The following DNAAF9 variants were observed in gnomAD, a reference collection of about 807,000 sequenced individuals.
The protein encoded by DNAAF9 is shulin.
Under a neutral mutation model 167.0 loss-of-function variants are expected in DNAAF9, and 90 were observed. That is an observed-to-expected ratio of 0.54 (90% CI 0.45 to 0.64). DNAAF9 has a LOEUF of 0.64. DNAAF9 is among the 30% of genes least tolerant of loss of function. DNAAF9 has a pLI of 0.00. For synonymous variants in DNAAF9, 491 were observed against 508.8 expected, an observed-to-expected ratio of 0.96 and a Z score of 0.47; for missense variants, 1,315 against 1,442.2, an observed-to-expected ratio of 0.91 and a Z score of 1.43.
intron 28 of DNAAF9, among the ~76,000 whole-genome samples, chr20:3,281,025 TA>T (rs1039056252): frequency 6.6e-6 from 1 of 152,096 alleles, no homozygotes; most frequent in Admixed American, 6.6e-5. Context: ...TACGCCTTAT[TA>T]AAAAAATTTT....
intron 28 of DNAAF9, among the ~76,000 whole-genome samples, chr20:3,280,564 T>G (rs1207696703): frequency 7.3e-6 from 1 of 136,304 alleles, no homozygotes; most frequent in African/African-American, 2.9e-5. Flanking sequence ...AAACTCCATC[T>G]CAAAGAAAAA....
chr20:3,348,556 A>G lies in DNAAF9; in HGVS notation c.758T>C (p.Leu253Pro), dbSNP rs752302778. Residue 253 changes from leucine (L) to proline (P), a missense_variant, in exon 8 of 37, where the codon CTG becomes CCG. By Grantham distance (98) the Leu-to-Pro change is moderately conservative. Transcript: ENST00000252032. ...CGCCTGAGATTCTGAAAGTTCTAGCAGGAAAGGAATTTCTGTGTCAAAATT... is the reference window on the plus strand; with the variant it reads ...CGCCTGAGATTCTGAAAGTTCTAGCGGGAAAGGAATTTCTGTGTCAAAATT... Reference protein sequence around the residue: ...FANFDTEIPFLLELSESQAGE... With the variant: ...FANFDTEIPFPLELSESQAGE... The G allele has an allele frequency of 1.9e-6, 3 of 1,603,100 alleles. No homozygotes were observed. In the Admixed American group the frequency reaches 5.0e-5, roughly 27 times the overall value.
intron 30 of DNAAF9, among the ~76,000 whole-genome samples, chr20:3,267,155 C>A (rs2068505561): frequency 6.6e-6 from 1 of 152,128 alleles, no homozygotes; most frequent in African/African-American, 2.4e-5. Flanking sequence ...CCTGGCCCCA[C>A]CTTTGTTTTT....
At chr20:3,328,531 T>TGATTTGGCA (rs1426845702) in intron 12 of DNAAF9, among the ~76,000 whole-genome samples, 1 of 152,200 alleles carries the variant, frequency 6.6e-6, no homozygotes, top group Admixed American at 6.5e-5. Context: ...ACTGGATCTG[T>TGATTTGGCA]GATTTGGCAA....
chr20:3,381,520 G>C (rs1400753265), intron 2 of DNAAF9, 22 bp from the exon 3 acceptor site: 7 of 1,611,170 alleles, frequency 4.3e-6, no homozygotes, highest in South Asian at 1.1e-5. Context: ...AGGAGGCTCT[G>C]ATCAGCTGTA....
At chr20:3,270,377 T>A in intron 30 of DNAAF9, 50 bp downstream of exon 30, 1 of 1,535,424 alleles carries the variant, frequency 6.5e-7, no homozygotes, top group Non-Finnish European at 9.0e-7. Flanking sequence ...ACAGACAGAG[T>A]GCTGTATCTG....
chr20:3,289,922 T>A (rs2068919740), intron 26 of DNAAF9, among the ~76,000 whole-genome samples: 1 of 152,232 alleles, frequency 6.6e-6, no homozygotes, highest in Non-Finnish European at 1.5e-5. Flanking sequence ...GAGATTTTCG[T>A]GTCTGTATGT....
chr20:3,380,022 C>T (rs1288508402), intron 3 of DNAAF9, among the ~76,000 whole-genome samples: 1 of 152,224 alleles, frequency 6.6e-6, no homozygotes, highest in African/African-American at 2.4e-5. Flanking sequence ...CACAACTGCA[C>T]TCCGGCCTGG....
Position 3,252,601 on chromosome 20 carries a change from A to G in DNAAF9, c.3505T>C (p.Tyr1169His). The change falls in exon 37 of 37, where the codon TAT becomes CAT. Residue 1169 changes from tyrosine to histidine, a missense_variant. By Grantham distance (83) the Tyr-to-His change is moderately conservative. Coordinates refer to ENST00000252032, the MANE Select transcript of DNAAF9 (RefSeq NM_001009984.3). ...KYNQELEQQE[Y>H]HDLFELKP ...GGCTTCAGCTCAAAGAGGTCATGATACTCCTGCTGTTCCAGCTCCTGGTTA... is the reference window on the plus strand; with the variant it reads ...GGCTTCAGCTCAAAGAGGTCATGATGCTCCTGCTGTTCCAGCTCCTGGTTA... The G allele has an allele frequency of 6.2e-7, 1 of 1,609,924 alleles. No homozygotes were observed. Among genetic ancestry groups the G allele is most frequent in the Non-Finnish European group, 8.5e-7 (1 of 1,176,358 alleles).
intron 31 of DNAAF9, among the ~76,000 whole-genome samples, chr20:3,262,001 A>G (rs917605211): frequency 2.0e-5 from 3 of 152,178 alleles, no homozygotes; most frequent in African/African-American, 7.2e-5. Context: ...GAATGTGTGC[A>G]CAGCACAGAG....
At chr20:3,371,225 T>C (rs2083502907) in intron 6 of DNAAF9, among the ~76,000 whole-genome samples, 1 of 151,016 alleles carries the variant, frequency 6.6e-6, no homozygotes, top group Non-Finnish European at 1.5e-5. Context: ...TTTTTAATTT[T>C]GATTGCTCAC....
rs115833198 is a variant in DNAAF9, at chr20:3,267,874, T to C, written c.2786+2553A>G. On this transcript the variant is annotated intron_variant, in intron 30 of 36. Transcript: ENST00000252032. ...AATATTTGAAGGGTTTTTCTTCATC[T>C]TCCCCATTTCATATTCATAATCTCC... Among the ~76,000 whole-genome samples, 1,369 of 152,240 alleles carry C rather than the reference T, an allele frequency of 9.0e-3. 20 individuals are homozygous for C. Among genetic ancestry groups the C allele is most frequent in the African/African-American group, 0.032 (1,315 of 41,526 alleles).
At chr20:3,346,242 G>C (rs1475341433) in intron 8 of DNAAF9, among the ~76,000 whole-genome samples, 1 of 152,076 alleles carries the variant, frequency 6.6e-6, no homozygotes, top group African/African-American at 2.4e-5. Flanking sequence ...CTTCTGAAGG[G>C]GACTTTGGCA....
At chr20:3,313,890 C>G (rs935274264) in intron 20 of DNAAF9, among the ~76,000 whole-genome samples, 5 of 152,136 alleles carry the variant, frequency 3.3e-5, no homozygotes, top group African/African-American at 9.7e-5. Flanking sequence ...AGGGTAGAAC[C>G]AAGAGCACCG....
At chr20:3,388,115 G>A (rs139863351) in intron 1 of DNAAF9, among the ~76,000 whole-genome samples, 1 of 150,020 alleles carries the variant, frequency 6.7e-6, no homozygotes, top group African/African-American at 2.4e-5. Context: ...TTTCTCTGAA[G>A]AGGATATGCA....
intron 7 of DNAAF9, among the ~76,000 whole-genome samples, chr20:3,354,725 G>C (rs987677973): frequency 1.2e-4 from 18 of 152,212 alleles, no homozygotes; most frequent in Admixed American, 5.9e-4. Context: ...CTTCCAGGCA[G>C]AGTTGTCACC....
rs1260593810 is a variant in DNAAF9 at position 3,270,502 on chromosome 20, A to C, written c.2711T>G (p.Val904Gly). The C allele has an allele frequency of 1.9e-6, 3 of 1,613,128 alleles. No individual in the cohort carries two copies. Among genetic ancestry groups the C allele is most frequent in the African/African-American group, 2.7e-5 (2 of 74,900 alleles). ...AGCCCTGATGAGGCTCTGCAGCTGA[A>C]CAAGGAGAGGGTGCCGCTGCTCCGT... The part of the protein sequence containing the change: ...HTTEQRHPLL[V>G]QLQSLIRAAN... Residue 904 changes from valine to glycine, a missense_variant, in exon 30 of 37, where the codon GTT (valine) becomes GGT (glycine). Coordinates refer to ENST00000252032, the MANE Select transcript of DNAAF9 (RefSeq NM_001009984.3).
intron 1 of DNAAF9, among the ~76,000 whole-genome samples, chr20:3,399,493 C>G (rs1032268517): frequency 1.3e-5 from 2 of 152,128 alleles, no homozygotes; most frequent in Non-Finnish European, 2.9e-5. Context: ...CAGGCATGAG[C>G]CACTGCGCCC....
At chr20:3,258,766 A>G (rs1600655692) in intron 33 of DNAAF9, among the ~76,000 whole-genome samples, 1 of 152,024 alleles carries the variant, frequency 6.6e-6, no homozygotes, top group Non-Finnish European at 1.5e-5. Context: ...TACAGCCAAC[A>G]CCTGCTAGCT....
Sources: allele counts gnomAD v4.1 joint callset (sites outside exome capture counted in the v4.1 genomes callset), GRCh38; gene constraint gnomAD v4.1.1; transcripts MANE v1.5; gene names NCBI Gene and HGNC (gene_info 2026-07-23, HGNC 2026-07-21).